Variants in GRIN2B observed in about 807,000 individuals in gnomAD.
GRIN2B encodes glutamate ionotropic receptor NMDA type subunit 2B, also known as glutamate receptor ionotropic, NMDA 2B.
GRIN2B carries 5 observed loss-of-function variants against 114.5 expected under a neutral mutation model. The observed-to-expected ratio is 0.04, with a 90% CI of 0.02 to 0.09. The LOEUF is 0.09. GRIN2B is among the 10% of genes least tolerant of loss of function. GRIN2B has a pLI of 1.00. For missense variants in GRIN2B, 1,108 were observed against 1,943.5 expected (o/e 0.57, Z 8.08); for synonymous variants, 787 against 745.1 (o/e 1.06, Z -0.92).
At chr12:13,937,962 A>C (rs1208018201) in intron 2 of GRIN2B, among the ~76,000 whole-genome samples, 7 of 152,218 alleles carry the variant, frequency 4.6e-5, no homozygotes, top group Non-Finnish European at 1.5e-5. Flanking sequence ...ATGCAATGTC[A>C]TACCTTACGT....
chr12:13,946,465 T>G (rs1297695762), intron 2 of GRIN2B, among the ~76,000 whole-genome samples: 1 of 152,050 alleles, frequency 6.6e-6, no homozygotes, highest in Non-Finnish European at 1.5e-5. Flanking sequence ...CCCACAAAAT[T>G]TTATTGTAAT....
At chr12:13,929,973 C>A (rs1036501086) in intron 2 of GRIN2B, among the ~76,000 whole-genome samples, 5 of 152,086 alleles carry the variant, frequency 3.3e-5, no homozygotes, top group Admixed American at 6.5e-5. Flanking sequence ...ATCACGAGGT[C>A]TAGAGACTGA....
intron 5 of GRIN2B, among the ~76,000 whole-genome samples, chr12:13,646,617 G>T (rs538388171): frequency 2.0e-5 from 3 of 151,874 alleles, no homozygotes; most frequent in African/African-American, 7.3e-5. Context: ...ATAAGCTTTC[G>T]CTTTCTTCTT....
chr12:13,645,722 A>T (rs2136511640), intron 5 of GRIN2B, among the ~76,000 whole-genome samples: 1 of 150,210 alleles, frequency 6.7e-6, no homozygotes, highest in East Asian at 2.0e-4. Flanking sequence ...TTCCCACTTG[A>T]TATGGGATTA....
chr12:13,546,543 A>T lies in GRIN2B; in HGVS notation c.*16240T>A, dbSNP rs1948345445. On this transcript the variant is annotated 3_prime_UTR_variant, in exon 14 of 14. Transcript: ENST00000609686. ...TTTCCCTCTTCTTTGTTTCTAGATT[A>T]TTTTTTTTTCAACTCAGTGAAGAAC... 6.6e-6 allele frequency: 1 copy of T among 151,160 alleles called. No individual in the cohort carries two copies. Among genetic ancestry groups the T allele is most frequent in the African/African-American group, 2.4e-5 (1 of 41,106 alleles). 9.4% of individuals were successfully genotyped at this position (151,160 alleles called of 1,614,324 possible).
In GRIN2B at chr12:13,550,972, GC is replaced by G. The variant is rs1236522856; in HGVS notation, c.*11810del. On this transcript the variant is annotated 3_prime_UTR_variant, in exon 14 of 14. Transcript: ENST00000609686. ...AGTGAAGGGAAACACAGCTGTAAGTGCCCTCATTGACTTCTAAATGCATTTA... is the reference window on the plus strand; with the variant it reads ...AGTGAAGGGAAACACAGCTGTAAGTGCCTCATTGACTTCTAAATGCATTTA... 1 of 152,134 alleles carries G rather than the reference GC, an allele frequency of 6.6e-6. No individual in the cohort carries two copies. The allele number at this position is 152,134 out of a possible 1,614,324, so 9.4% of individuals were successfully genotyped here.
At chr12:13,669,040 G>A (rs1037273338) in intron 5 of GRIN2B, among the ~76,000 whole-genome samples, 1 of 150,892 alleles carries the variant, frequency 6.6e-6, no homozygotes, top group African/African-American at 2.4e-5. Flanking sequence ...GGGAGATAGG[G>A]AGGATAAGCC....
intron 2 of GRIN2B, among the ~76,000 whole-genome samples, chr12:13,938,033 C>T (rs1867159352): frequency 6.6e-6 from 1 of 151,662 alleles, no homozygotes; most frequent in Non-Finnish European, 1.5e-5. Context: ...ATTTTTTAGC[C>T]CTAGAGCAAC....
chr12:13,910,338 A>G (rs934091040), intron 2 of GRIN2B, among the ~76,000 whole-genome samples: 9 of 152,142 alleles, frequency 5.9e-5, no homozygotes, highest in Non-Finnish European at 1.3e-4. Context: ...GCAAGAATCT[A>G]TGTCTCTAAA....
intron 2 of GRIN2B, among the ~76,000 whole-genome samples, chr12:13,976,515 T>C (rs1428802411): frequency 2.6e-5 from 4 of 152,198 alleles, no homozygotes; most frequent in African/African-American, 9.6e-5. Flanking sequence ...GTCTTCAATA[T>C]TAAAGACACA....
intron 5 of GRIN2B, among the ~76,000 whole-genome samples, chr12:13,622,584 A>C (rs1949528755): frequency 6.6e-6 from 1 of 152,204 alleles, no homozygotes; most frequent in Non-Finnish European, 1.5e-5. Flanking sequence ...CTACTATAAA[A>C]AAAAACACAC....
chr12:13,947,353 T>A (rs1867380242), intron 2 of GRIN2B, among the ~76,000 whole-genome samples: 1 of 152,208 alleles, frequency 6.6e-6, no homozygotes, highest in Non-Finnish European at 1.5e-5. Context: ...CAATGTAGGC[T>A]GCATGTTGCT....
At chr12:13,678,719 TC>T (rs1213796921) in intron 4 of GRIN2B, among the ~76,000 whole-genome samples, 1 of 152,094 alleles carries the variant, frequency 6.6e-6, no homozygotes, top group Non-Finnish European at 1.5e-5. Context: ...AAGGTAATAT[TC>T]AGGTCTCTTA....
chr12:13,572,591 CTG>C, intron 10 of GRIN2B, among the ~76,000 whole-genome samples: 1 of 152,298 alleles, frequency 6.6e-6, no homozygotes, highest in Admixed American at 6.5e-5. Context: ...TTGCTTGAGA[CTG>C]AGAGTACATC....
At chr12:13,724,141 G>C (rs967425922) in intron 4 of GRIN2B, among the ~76,000 whole-genome samples, 1 of 152,076 alleles carries the variant, frequency 6.6e-6, no homozygotes, top group African/African-American at 2.4e-5. Context: ...TCTGAAGCAG[G>C]TGCCTCTCAT....
At chr12:13,911,710 A>G (rs186815630) in intron 2 of GRIN2B, among the ~76,000 whole-genome samples, 181 of 152,296 alleles carry the variant, frequency 1.2e-3, no homozygotes, top group Non-Finnish European at 2.1e-3. Context: ...ACCAGGCGGC[A>G]TGAAAGATTC....
intron 4 of GRIN2B, among the ~76,000 whole-genome samples, chr12:13,690,548 A>G (rs1216092939): frequency 1.3e-5 from 2 of 152,102 alleles, no homozygotes; most frequent in Admixed American, 6.5e-5. Flanking sequence ...ATTCTTGCCC[A>G]GACTCTTTTT....
chr12:13,807,246 G>T (rs1864618523), intron 3 of GRIN2B, among the ~76,000 whole-genome samples: 1 of 152,078 alleles, frequency 6.6e-6, no homozygotes, highest in Non-Finnish European at 1.5e-5. Flanking sequence ...ACCTGCCACG[G>T]CTGTATGAGT....
At chr12:13,926,960 G>GA (rs55736068) in intron 2 of GRIN2B, among the ~76,000 whole-genome samples, 105,829 of 142,350 alleles carry the variant, frequency 0.74, 38,989 homozygotes, top group Non-Finnish European at 0.8. Context: ...TCAAAAAAAA[G>GA]AAAAAAAAAA....
Sources: gnomAD v4.1 joint callset for allele counts (sites outside exome capture counted in the v4.1 genomes callset) on GRCh38, gnomAD v4.1.1 for gene constraint, MANE v1.5 for transcripts, NCBI Gene and HGNC (gene_info 2026-07-23, HGNC 2026-07-21) for gene names.